The following SLC16A7 variants were observed in gnomAD, a reference collection of about 807,000 sequenced individuals.
The protein encoded by SLC16A7 is solute carrier family 16 member 7.
SLC16A7 carries 33 observed loss-of-function variants against 34.9 expected under a neutral mutation model. The ratio of observed to expected loss-of-function variants is 0.94; its 90% confidence interval spans 0.72 to 1.26. SLC16A7 has a LOEUF of 1.26. SLC16A7 is among the 50% of genes most tolerant of loss of function. The pLI is 0.00. For synonymous variants in SLC16A7, 201 were observed against 206.6 expected, an observed-to-expected ratio of 0.97 and a Z score of 0.23; for missense variants, 573 against 578.1, an observed-to-expected ratio of 0.99 and a Z score of 0.09.
At position 59,768,834 on chromosome 12, in the gene SLC16A7, GA is replaced by G. The variant is rs887645438; in HGVS notation, c.218-2378del. ...CAACATAGCAAGGCCCCGTCTCTAT[GA>G]AAAAAATTAAAAAGAATAGCCAGGC... On this transcript the variant is annotated intron_variant, in intron 3 of 5. Transcript: ENST00000547379. Among the ~76,000 whole-genome samples the G allele has an allele frequency of 1.1e-4, 17 of 151,958 alleles. No individual in the cohort carries two copies. In the East Asian group the frequency reaches 1.2e-3, roughly 10 times the overall value.
rs370333941 is a variant in SLC16A7, at chr12:59,716,119, A to G, written c.217+11101A>G. On this transcript the variant is annotated intron_variant, in intron 3 of 5. Coordinates refer to ENST00000547379, the MANE Select transcript of SLC16A7 (RefSeq NM_001270623.2). Reference sequence around the variant, plus strand: ...AGCTTTGATGGATTTTTGAAAACTGATGAACAACTGAAGATCCACAGCCTT... The same window carrying G: ...AGCTTTGATGGATTTTTGAAAACTGGTGAACAACTGAAGATCCACAGCCTT... Among the ~76,000 whole-genome samples the G allele has an allele frequency of 1.3e-3, 193 of 152,348 alleles. 4 individuals are homozygous for G. In the South Asian group the frequency reaches 0.02, roughly 16 times the overall value.
intron 3 of SLC16A7, chr12:59,761,232 G>T: frequency 1.1e-6 from 1 of 927,928 alleles, no homozygotes; most frequent in Non-Finnish European, 1.5e-6. Flanking sequence ...TAAATACTTG[G>T]TTGATAAGAT....
At chr12:59,689,006 A>G (rs905935343) in intron 2 of SLC16A7, among the ~76,000 whole-genome samples, 4 of 151,960 alleles carry the variant, frequency 2.6e-5, no homozygotes, top group Non-Finnish European at 5.9e-5. Context: ...CCTTATCCTA[A>G]TTCTATAGCC....
chr12:59,750,590 G>A (rs1327298257), intron 3 of SLC16A7, among the ~76,000 whole-genome samples: 1 of 152,194 alleles, frequency 6.6e-6, no homozygotes, highest in Non-Finnish European at 1.5e-5. Context: ...GGAGAAATAG[G>A]AACACTTTTA....
intron 3 of SLC16A7, among the ~76,000 whole-genome samples, chr12:59,757,467 A>T (rs2137370254): frequency 6.6e-6 from 1 of 152,244 alleles, no homozygotes; most frequent in East Asian, 1.9e-4. Context: ...AGAGGGTTCT[A>T]ATTATTCAAG....
chr12:59,642,274 C>T (rs1880718434), intron 1 of SLC16A7, among the ~76,000 whole-genome samples: 1 of 151,984 alleles, frequency 6.6e-6, no homozygotes, highest in African/African-American at 2.4e-5. Flanking sequence ...ATTGATTCCT[C>T]CTTATCCTTT....
At chr12:59,643,580 C>T (rs1880780414) in intron 1 of SLC16A7, among the ~76,000 whole-genome samples, 1 of 152,090 alleles carries the variant, frequency 6.6e-6, no homozygotes, top group Admixed American at 6.6e-5. Context: ...ATGAAGAAAA[C>T]TGGAGTGCCT....
At chr12:59,646,370 T>G (rs929857924) in intron 1 of SLC16A7, among the ~76,000 whole-genome samples, 6 of 152,282 alleles carry the variant, frequency 3.9e-5, no homozygotes, top group Admixed American at 3.3e-4. Flanking sequence ...AAGGTACAGC[T>G]CAAGCCATTG....
chr12:59,612,644 A>T (rs1207164158), intron 1 of SLC16A7, among the ~76,000 whole-genome samples: 1 of 152,162 alleles, frequency 6.6e-6, no homozygotes, highest in Non-Finnish European at 1.5e-5. Context: ...CCAAACTTTT[A>T]TGCTGTGCTT....
At chr12:59,675,465 TATC>T (rs1463807320) in intron 2 of SLC16A7, among the ~76,000 whole-genome samples, 1 of 150,662 alleles carries the variant, frequency 6.6e-6, no homozygotes, top group Non-Finnish European at 1.5e-5. Context: ...GGCACTCAGA[TATC>T]AGACTTGCAG....
chr12:59,769,204 C>T (rs1359667079), intron 3 of SLC16A7: 3 of 152,094 alleles, frequency 2.0e-5, no homozygotes, highest in African/African-American at 7.2e-5. Flanking sequence ...TCAATGCACA[C>T]TTAATATAGT....
chr12:59,642,094 A>T (rs1880711930), intron 1 of SLC16A7, among the ~76,000 whole-genome samples: 1 of 152,078 alleles, frequency 6.6e-6, no homozygotes, highest in Admixed American at 6.5e-5. Context: ...GTCCTTTCTT[A>T]TACATTTACA....
Position 59,783,753 on chromosome 12 carries a change from GC to G in SLC16A7, c.*4075del, listed in dbSNP as rs1010554409. On this transcript the variant is annotated 3_prime_UTR_variant, in exon 6 of 6. Coordinates refer to ENST00000547379, the MANE Select transcript of SLC16A7 (RefSeq NM_001270623.2). ...TACAACCTCTGCCTCCCAGGTTCAA[GC>G]AATTCTCCTGCCTCAGCCTCCCGAG... 1.3e-5 allele frequency: 2 copies of G among 151,864 alleles called. No homozygotes were observed. Among genetic ancestry groups the G allele is most frequent in the Admixed American group, 1.3e-4 (2 of 15,244 alleles). 9.4% of individuals were successfully genotyped at this position (151,864 alleles called of 1,614,324 possible).
chr12:59,774,996 A>C lies in SLC16A7; in HGVS notation c.701A>C (p.Asn234Thr). The C allele has an allele frequency of 2.5e-6, 4 of 1,613,838 alleles. No homozygotes were observed. Among genetic ancestry groups the C allele is most frequent in the Non-Finnish European group, 3.4e-6 (4 of 1,179,820 alleles). ...AAGAAATCAACTTGGGAAAAAGTTA[A>C]TAAGTATTTAGATTTCTCCCTTTTT... ...KTKKSTWEKV[N>T]KYLDFSLFKH... The change falls in exon 5 of 6, where the codon AAT becomes ACT. Residue 234 changes from asparagine to threonine, a missense_variant. Coordinates refer to ENST00000547379, the MANE Select transcript of SLC16A7 (RefSeq NM_001270623.2).
At chr12:59,761,026 A>G in intron 3 of SLC16A7, 1 of 422,432 alleles carries the variant, frequency 2.4e-6, no homozygotes, top group Non-Finnish European at 4.2e-6. Context: ...TATTTTTTAA[A>G]CAACTAGTCT....
Position 59,721,175 on chromosome 12 carries a change from T to C in SLC16A7, c.217+16157T>C, listed in dbSNP as rs190742172. 3.3e-4 allele frequency among the ~76,000 whole-genome samples: 50 copies of C among 152,154 alleles called. 1 individual carries two copies. In the East Asian group the frequency reaches 9.1e-3, roughly 28 times the overall value. On this transcript the variant is annotated intron_variant, in intron 3 of 5. Coordinates refer to ENST00000547379, the MANE Select transcript of SLC16A7 (RefSeq NM_001270623.2). ...CGCTATATGAGATGATTATTTGTCA[T>C]TTAATCCATATTCCCCAAAGCCACT...
At chr12:59,707,693 G>A (rs553029864) in intron 3 of SLC16A7, among the ~76,000 whole-genome samples, 1 of 152,116 alleles carries the variant, frequency 6.6e-6, no homozygotes, top group African/African-American at 2.4e-5. Context: ...TTTTATATAT[G>A]CTTGTTTTGT....
chr12:59,758,819 G>A (rs905410407), intron 3 of SLC16A7, among the ~76,000 whole-genome samples: 1 of 151,956 alleles, frequency 6.6e-6, no homozygotes, highest in East Asian at 1.9e-4. Flanking sequence ...ACTGGTTCTT[G>A]GGCATCAATT....
intron 3 of SLC16A7, among the ~76,000 whole-genome samples, chr12:59,740,284 C>G (rs2137279806): frequency 6.6e-6 from 1 of 152,038 alleles, no homozygotes; most frequent in South Asian, 2.1e-4. Context: ...TTTCCCAGCA[C>G]CATTTATTAA....
Sources: allele counts gnomAD v4.1 joint callset (sites outside exome capture counted in the v4.1 genomes callset), GRCh38; gene constraint gnomAD v4.1.1; transcripts MANE v1.5; gene names NCBI Gene and HGNC (gene_info 2026-07-23, HGNC 2026-07-21).